The following JMY variants were observed in gnomAD, a reference collection of about 807,000 sequenced individuals.
JMY encodes junction-mediating and -regulatory protein.
In JMY, 46 loss-of-function variants were observed where a neutral mutation model predicts 103.3. The ratio of observed to expected loss-of-function variants is 0.45; its 90% CI spans 0.35 to 0.57. JMY has a LOEUF of 0.57. Ranked by LOEUF, JMY falls within the 20% of genes least tolerant of loss-of-function variation. JMY has a pLI of 0.00. For missense variants in JMY, 1,238 were observed against 1,255.2 expected (o/e 0.99, Z 0.21); for synonymous variants, 526 against 489.3 (o/e 1.07, Z -0.99).
At chr5:79,279,699 AC>A (rs1000488076) in intron 2 of JMY, among the ~76,000 whole-genome samples, 87 of 151,806 alleles carry the variant, frequency 5.7e-4, no homozygotes, top group African/African-American at 1.9e-3. Flanking sequence ...CTTTATCAAT[AC>A]TTTTGGAAAA....
At chr5:79,320,726 A>G (rs1285363723) in intron 10 of JMY, among the ~76,000 whole-genome samples, 3 of 152,206 alleles carry the variant, frequency 2.0e-5, no homozygotes, top group African/African-American at 7.2e-5. Flanking sequence ...AACATGTGAA[A>G]CTGATGTTTG....
chr5:79,284,083 T>A, intron 2 of JMY: 2 of 1,192,108 alleles, frequency 1.7e-6, no homozygotes, highest in Non-Finnish European at 2.3e-6. Flanking sequence ...TATTTTTATT[T>A]TTTTTCACAA....
intron 6 of JMY, among the ~76,000 whole-genome samples, chr5:79,303,739 G>T (rs1214628581): frequency 6.6e-6 from 1 of 152,150 alleles, no homozygotes; most frequent in African/African-American, 2.4e-5. Flanking sequence ...TGGTCAGTAG[G>T]CTCAGGTGCT....
intron 1 of JMY, among the ~76,000 whole-genome samples, chr5:79,276,507 GC>G (rs1284962908): frequency 6.6e-6 from 1 of 151,982 alleles, no homozygotes. Flanking sequence ...ACAGCTCACT[GC>G]AGACCCGTCC....
At chr5:79,269,163 T>C (rs1018819669) in intron 1 of JMY, among the ~76,000 whole-genome samples, 1 of 151,992 alleles carries the variant, frequency 6.6e-6, no homozygotes, top group East Asian at 1.9e-4. Flanking sequence ...TTTGAGTTAA[T>C]TTTTGTGAAG....
At chr5:79,254,768 A>G (rs1396891875) in intron 1 of JMY, among the ~76,000 whole-genome samples, 2 of 151,728 alleles carry the variant, frequency 1.3e-5, no homozygotes, top group African/African-American at 2.4e-5. Flanking sequence ...ATTAAGGCCA[A>G]TAACTCTTAG....
At chr5:79,281,676 A>G (rs1041700125) in intron 2 of JMY, among the ~76,000 whole-genome samples, 1 of 152,180 alleles carries the variant, frequency 6.6e-6, no homozygotes, top group Non-Finnish European at 1.5e-5. Flanking sequence ...TATATAATGC[A>G]TAAAGGGGGA....
chr5:79,291,027 C>T, intron 3 of JMY, 103 bp from the exon 4 acceptor site: 1 of 768,524 alleles, frequency 1.3e-6, no homozygotes, highest in Non-Finnish European at 1.9e-6. Context: ...TTTATCATGA[C>T]AGCAGGATTT....
chr5:79,252,901 G>A (rs1354228604), intron 1 of JMY, among the ~76,000 whole-genome samples: 1 of 152,172 alleles, frequency 6.6e-6, no homozygotes, highest in Non-Finnish European at 1.5e-5. Flanking sequence ...AACAATTGGA[G>A]AGTTTAGTCC....
chr5:79,236,533 C>A lies in JMY; in HGVS notation c.-118C>A. 1 of 741,252 alleles carries A rather than the reference C, an allele frequency of 1.3e-6. No individual in the cohort carries two copies. 45.9% of individuals were successfully genotyped at this position (741,252 alleles called of 1,614,324 possible). The stretch of plus-strand genomic sequence containing the variant: ...AACGAGCCGGGAGAGCCGGCCGGCG[C>A]ACTAAGATGGCTGAAGGCGCCCGGC... On this transcript the variant is annotated 5_prime_UTR_variant, in exon 1 of 11. Transcript: ENST00000396137.
chr5:79,265,322 CACTA>C (rs1336885343), intron 1 of JMY, among the ~76,000 whole-genome samples: 1 of 152,190 alleles, frequency 6.6e-6, no homozygotes, highest in Non-Finnish European at 1.5e-5. Flanking sequence ...ATACTTGCCT[CACTA>C]ACTGATGGTT....
At position 79,278,793 on chromosome 5, in the gene JMY, CTT is replaced by C. The variant is rs533961398; in HGVS notation, c.1206+727_1206+728del. On this transcript the variant is annotated intron_variant, in intron 2 of 10. Coordinates refer to ENST00000396137, the MANE Select transcript of JMY (RefSeq NM_152405.5). ...AGAAGAAAAAGTTTTGGGAACATTT[CTT>C]TTTTTTTTTTTTTTTTCGAGATGGG... 5.9e-4 allele frequency among the ~76,000 whole-genome samples: 67 copies of C among 114,144 alleles called. No homozygotes were observed. In the East Asian group the frequency reaches 0.011, roughly 18 times the overall value. The allele number at this position is 114,144 out of a possible 152,430, so 74.9% of individuals were successfully genotyped here.
intron 1 of JMY, among the ~76,000 whole-genome samples, chr5:79,239,162 C>G (rs1440607227): frequency 6.6e-6 from 1 of 152,164 alleles, no homozygotes; most frequent in African/African-American, 2.4e-5. Flanking sequence ...TACTCTCTTA[C>G]AACTTCCCGA....
chr5:79,289,371 G>T (rs1260401558), intron 2 of JMY, among the ~76,000 whole-genome samples: 1 of 146,954 alleles, frequency 6.8e-6, no homozygotes, highest in Non-Finnish European at 1.5e-5. Flanking sequence ...CATTTTGCCT[G>T]TTTTTTTTTT....
intron 7 of JMY, among the ~76,000 whole-genome samples, chr5:79,308,803 C>T (rs1370279155): frequency 1.3e-5 from 2 of 152,096 alleles, no homozygotes; most frequent in Admixed American, 1.3e-4. Flanking sequence ...ATTGAATATT[C>T]CTATCCATGA....
chr5:79,252,682 G>A (rs570186529), intron 1 of JMY, among the ~76,000 whole-genome samples: 3 of 152,214 alleles, frequency 2.0e-5, no homozygotes. Context: ...ATACCCTCTT[G>A]CTAAATTGAC....
intron 1 of JMY, among the ~76,000 whole-genome samples, chr5:79,250,066 C>T (rs534346359): frequency 2.4e-4 from 36 of 152,166 alleles, no homozygotes; most frequent in Non-Finnish European, 4.4e-4. Context: ...TCATAAATGT[C>T]AGCTGCTATT....
chr5:79,279,409 T>C (rs554977981), intron 2 of JMY, among the ~76,000 whole-genome samples: 1 of 152,318 alleles, frequency 6.6e-6, no homozygotes, highest in East Asian at 1.9e-4. Flanking sequence ...AAGGGTTTGA[T>C]TTTATAGCTG....
At chr5:79,266,109 A>G (rs1745581512) in intron 1 of JMY, among the ~76,000 whole-genome samples, 2 of 152,180 alleles carry the variant, frequency 1.3e-5, no homozygotes, top group South Asian at 4.1e-4. Flanking sequence ...ATCACAAGCA[A>G]AATCCCATGT....
Sources: allele counts gnomAD v4.1 joint callset (sites outside exome capture counted in the v4.1 genomes callset), GRCh38; gene constraint gnomAD v4.1.1; transcripts MANE v1.5; gene names NCBI Gene and HGNC (gene_info 2026-07-23, HGNC 2026-07-21).